HIVEP3: variants seen among roughly 807,000 people sequenced by gnomAD.
The protein encoded by HIVEP3 is transcription factor HIVEP3.
Under a neutral mutation model 152.8 loss-of-function variants are expected in HIVEP3, and 49 were observed. That is an observed-to-expected ratio of 0.32 (90% CI 0.26 to 0.41). The LOEUF (loss-of-function observed/expected upper bound fraction) is 0.41, where lower values mean the gene tolerates loss of function less well. Among genes scored for constraint, HIVEP3 ranks in the 10% least tolerant of loss-of-function variants. The pLI, the probability that HIVEP3 is intolerant of heterozygous loss-of-function variation, is 1.00. For synonymous variants in HIVEP3, 1,269 were observed against 1,289.0 expected (o/e 0.98, Z 0.33); for missense variants, 2,790 against 3,103.3 (o/e 0.90, Z 2.40).
chr1:41,508,312 G>A lies in HIVEP3; in HGVS notation c.*2139C>T, dbSNP rs1644404765. The stretch of plus-strand genomic sequence containing the variant: ...GTCTCCAATCCGTGGGCAGTCCCAT[G>A]GGTTAGGGCTGAAAGGCAAGGATGA... On this transcript the variant is annotated 3_prime_UTR_variant, in exon 9 of 9. Transcript: ENST00000372583. The A allele has an allele frequency of 6.6e-6, 1 of 152,278 alleles. No homozygotes were observed. The highest frequency in any genetic ancestry group is 1.5e-5 in the Non-Finnish European group (1 of 68,074). 9.4% of individuals were successfully genotyped at this position (152,278 alleles called of 1,614,324 possible).
chr1:41,538,951 G>A (rs151028532), intron 5 of HIVEP3, among the ~76,000 whole-genome samples: 63 of 152,258 alleles, frequency 4.1e-4, no homozygotes, highest in African/African-American at 1.4e-3. Context: ...TGGGGAAGCC[G>A]AGCAGTGGGG....
intron 6 of HIVEP3, among the ~76,000 whole-genome samples, chr1:41,519,330 C>T (rs1277270436): frequency 1.3e-5 from 2 of 152,214 alleles, no homozygotes; most frequent in Non-Finnish European, 1.5e-5. Context: ...GGCAGCAGCT[C>T]TGTGGAATCA....
At chr1:42,006,918 G>A (rs1295703507) in intron 1 of HIVEP3, among the ~76,000 whole-genome samples, 1 of 152,176 alleles carries the variant, frequency 6.6e-6, no homozygotes, top group Non-Finnish European at 1.5e-5. Flanking sequence ...GATAAACTGA[G>A]ACTGAGAGAG....
At position 41,609,521 on chromosome 1, in the gene HIVEP3, C is replaced by T. The variant is rs144897140; in HGVS notation, c.-522+19228G>A. Reference sequence around the variant, plus strand: ...GTCAGCTACCACAGCTGAGATTCAGCGAGCTATCTACACTAAGTGTACCAG... The same window carrying T: ...GTCAGCTACCACAGCTGAGATTCAGTGAGCTATCTACACTAAGTGTACCAG... On this transcript the variant is annotated intron_variant, in intron 3 of 8. Transcript: ENST00000372583. 4.1e-4 allele frequency among the ~76,000 whole-genome samples: 63 copies of T among 152,072 alleles called. 2 individuals are homozygous for T. In the East Asian group the frequency reaches 0.01, roughly 25 times the overall value.
intron 1 of HIVEP3, among the ~76,000 whole-genome samples, chr1:41,818,906 G>A (rs1278640003): frequency 6.6e-6 from 1 of 152,100 alleles, no homozygotes; most frequent in Non-Finnish European, 1.5e-5. Context: ...AGTAATTCTG[G>A]GGCAACCTTA....
chr1:41,607,771 C>T (rs1234397295), intron 3 of HIVEP3, among the ~76,000 whole-genome samples: 1 of 152,190 alleles, frequency 6.6e-6, no homozygotes, highest in Non-Finnish European at 1.5e-5. Context: ...GCAGGAGTGG[C>T]TTAGACGAGA....
At chr1:41,618,857 G>A (rs1466743763) in intron 3 of HIVEP3, among the ~76,000 whole-genome samples, 1 of 152,124 alleles carries the variant, frequency 6.6e-6, no homozygotes, top group East Asian at 1.9e-4. Flanking sequence ...TATACCTCAC[G>A]TCCCATCTGT....
At chr1:41,950,172 T>C (rs1000833801) in intron 1 of HIVEP3, among the ~76,000 whole-genome samples, 1 of 152,136 alleles carries the variant, frequency 6.6e-6, no homozygotes, top group Admixed American at 6.5e-5. Flanking sequence ...AAGCTAGTCA[T>C]CTATCGTCTG....
chr1:41,749,799 C>CG (rs1217209892), intron 1 of HIVEP3, among the ~76,000 whole-genome samples: 1 of 152,172 alleles, frequency 6.6e-6, no homozygotes, highest in African/African-American at 2.4e-5. Flanking sequence ...ATGTGCTCTA[C>CG]GGAGCTCCGG....
At position 41,585,217 on chromosome 1, in the gene HIVEP3, C is replaced by A. The variant is rs552845636; in HGVS notation, c.-420G>T. The stretch of plus-strand genomic sequence containing the variant: ...TGTCCATGGCCCAGTCATCCCTGGT[C>A]CTGGCACAAGAGATGCCACGCTGGA... On this transcript the variant is annotated 5_prime_UTR_variant, in exon 4 of 9. Coordinates refer to ENST00000372583, the MANE Select transcript of HIVEP3 (RefSeq NM_024503.5). The A allele has an allele frequency of 2.5e-6, 1 of 399,140 alleles. No homozygotes were observed. Among genetic ancestry groups the A allele is most frequent in the Admixed American group, 4.4e-5 (1 of 22,750 alleles). 24.7% of individuals were successfully genotyped at this position (399,140 alleles called of 1,614,324 possible). A position where few individuals can be genotyped will look rare whatever the true frequency, so the allele number is the denominator to read the frequency against.
intron 1 of HIVEP3, among the ~76,000 whole-genome samples, chr1:41,952,744 A>G (rs1645115248): frequency 6.6e-6 from 1 of 152,220 alleles, no homozygotes; most frequent in South Asian, 2.1e-4. Flanking sequence ...CATTAAAGAT[A>G]ATTTGGAAAA....
chr1:41,524,205 G>A (rs978669194), intron 6 of HIVEP3, among the ~76,000 whole-genome samples: 3 of 152,188 alleles, frequency 2.0e-5, no homozygotes, highest in African/African-American at 7.2e-5. Flanking sequence ...TGTGCTGAGA[G>A]GTGCAGAGAA....
intron 1 of HIVEP3, among the ~76,000 whole-genome samples, chr1:41,871,815 G>A (rs1335148106): frequency 1.3e-5 from 2 of 152,182 alleles, no homozygotes; most frequent in African/African-American, 2.4e-5. Context: ...ATAGGGCTAC[G>A]TCAAGAAGCT....
chr1:41,695,418 T>C (rs1001119679), intron 2 of HIVEP3, among the ~76,000 whole-genome samples: 1 of 152,198 alleles, frequency 6.6e-6, no homozygotes, highest in African/African-American at 2.4e-5. Flanking sequence ...AGGTTTCTCA[T>C]GGAGGACCAT....
At chr1:41,528,445 A>C (rs1569758048) in intron 5 of HIVEP3, among the ~76,000 whole-genome samples, 2 of 46,236 alleles carry the variant, frequency 4.3e-5, no homozygotes, top group Admixed American at 2.5e-4. Flanking sequence ...CTCACATCCC[A>C]CCCTCACACA....
At chr1:41,689,752 C>T (rs1274033759) in intron 2 of HIVEP3, among the ~76,000 whole-genome samples, 1 of 152,230 alleles carries the variant, frequency 6.6e-6, no homozygotes, top group Non-Finnish European at 1.5e-5. Context: ...TGTCCCTGGC[C>T]CAGCTAATCC....
chr1:41,761,912 T>A (rs1287552358), intron 1 of HIVEP3, among the ~76,000 whole-genome samples: 5 of 152,226 alleles, frequency 3.3e-5, no homozygotes, highest in Non-Finnish European at 7.3e-5. Flanking sequence ...CAAAGACAGT[T>A]TAAAGCCTGA....
At chr1:41,621,888 T>C (rs1445153204) in intron 3 of HIVEP3, among the ~76,000 whole-genome samples, 4 of 152,228 alleles carry the variant, frequency 2.6e-5, no homozygotes, top group African/African-American at 9.6e-5. Context: ...TGCAAGTCTC[T>C]TTCCCACCCT....
At chr1:41,524,623 C>A in intron 6 of HIVEP3, 112 bp downstream of exon 6, 1 of 992,326 alleles carries the variant, frequency 1.0e-6, no homozygotes, top group Non-Finnish European at 1.6e-6. Context: ...GGAAATGGGG[C>A]TGCTCCAGGC....
Sources: gnomAD v4.1 joint callset for allele counts (sites outside exome capture counted in the v4.1 genomes callset) on GRCh38, gnomAD v4.1.1 for gene constraint, MANE v1.5 for transcripts, NCBI Gene and HGNC (gene_info 2026-07-23, HGNC 2026-07-21) for gene names.